The following FAM83F variants were observed in gnomAD, a reference collection of about 807,000 sequenced individuals.
FAM83F encodes the protein scaffolding CK1 anchoring protein F.
Under a neutral mutation model 42.9 loss-of-function variants are expected in FAM83F, and 45 were observed. That is an observed-to-expected ratio of 1.05 (90% CI 0.83 to 1.35). FAM83F has a LOEUF of 1.35. Among genes scored for constraint, FAM83F ranks in the 40% most tolerant of loss-of-function variants. The pLI, the probability that FAM83F is intolerant of heterozygous loss-of-function variation, is 0.00. For missense variants in FAM83F, 617 were observed against 695.9 expected, an observed-to-expected ratio of 0.89 and a Z score of 1.28; for synonymous variants, 306 against 298.3, an observed-to-expected ratio of 1.03 and a Z score of -0.27.
In FAM83F at chr22:40,022,649, C is replaced by T. The variant is rs116005539; in HGVS notation, c.1453+686C>T. Among the ~76,000 whole-genome samples the T allele has an allele frequency of 8.7e-3, 1,322 of 152,252 alleles. 20 individuals are homozygous for T. The highest frequency in any genetic ancestry group is 0.029 in the African/African-American group (1,220 of 41,548). ...ATCTCTCTGGGATCCCCAGGAGGCC[C>T]TGGACTTTATGTCTCTCTCTGCAGC... On this transcript the variant is annotated intron_variant, in intron 4 of 4. Transcript: ENST00000333407.
In FAM83F at chr22:40,037,312, CA is replaced by C. The variant is rs1158595149; in HGVS notation, c.*7748del. On this transcript the variant is annotated 3_prime_UTR_variant, in exon 5 of 5. Transcript: ENST00000333407. ...GCTTAAACCTGGGAGGCGGAGGTTG[CA>C]GTGAGCTGAGATCATGCCACTGCAC... 1 of 152,312 alleles carries C rather than the reference CA, an allele frequency of 6.6e-6. No individual in the cohort carries two copies. The highest frequency in any genetic ancestry group is 6.5e-5 in the Admixed American group (1 of 15,284). The allele number at this position is 152,312 out of a possible 1,614,324, so 9.4% of individuals were successfully genotyped here. A position where few individuals can be genotyped will look rare whatever the true frequency, so the allele number is the denominator to read the frequency against.
chr22:40,034,184 A>G lies in FAM83F; in HGVS notation c.*4619A>G, dbSNP rs1399938702. 1 of 152,268 alleles carries G rather than the reference A, an allele frequency of 6.6e-6. No individual in the cohort carries two copies. Among genetic ancestry groups the G allele is most frequent in the Non-Finnish European group, 1.5e-5 (1 of 68,054 alleles). 9.4% of individuals were successfully genotyped at this position (152,268 alleles called of 1,614,324 possible). A position where few individuals can be genotyped will look rare whatever the true frequency, so the allele number is the denominator to read the frequency against. ...ATTGACAAAGCCCCCTTAGCAGCTA[A>G]TTAGCCCTGCCGTGCGCTAGGGATG... On this transcript the variant is annotated 3_prime_UTR_variant, in exon 5 of 5. Transcript: ENST00000333407.
At position 40,042,257 on chromosome 22, in the gene FAM83F, G is replaced by A. The variant is rs2067654683; in HGVS notation, c.*12692G>A. The A allele has an allele frequency of 6.6e-6, 1 of 152,186 alleles. No homozygotes were observed. Among genetic ancestry groups the A allele is most frequent in the Non-Finnish European group, 1.5e-5 (1 of 68,028 alleles). The allele number at this position is 152,186 out of a possible 1,614,324, so 9.4% of individuals were successfully genotyped here. A position where few individuals can be genotyped will look rare whatever the true frequency, so the allele number is the denominator to read the frequency against. ...AAATAGGAGAAGGTTTCAGGCATTT[G>A]TTTTGTCTCTGGGAGGGAAGGCACA... On this transcript the variant is annotated 3_prime_UTR_variant, in exon 5 of 5. Coordinates refer to ENST00000333407, the MANE Select transcript of FAM83F (RefSeq NM_138435.4).
rs12169961 is a variant in FAM83F at position 40,029,870 on chromosome 22, T to C, written c.*305T>C. 5,064 of 331,670 alleles carry C rather than the reference T, an allele frequency of 0.015. 238 individuals carry two copies. Among genetic ancestry groups the C allele is most frequent in the African/African-American group, 0.098 (4,657 of 47,404 alleles). 20.5% of individuals were successfully genotyped at this position (331,670 alleles called of 1,614,324 possible). ...TTTGTGCCCCACCCCCTCCGCTGAT[T>C]GCCAGATGGGGTGAGGGCCCATTCT... On this transcript the variant is annotated 3_prime_UTR_variant, in exon 5 of 5. Transcript: ENST00000333407.
At chr22:39,997,191 T>G (rs2067376683) in intron 1 of FAM83F, among the ~76,000 whole-genome samples, 1 of 152,242 alleles carries the variant, frequency 6.6e-6, no homozygotes, top group Admixed American at 6.5e-5. Context: ...TGTGCTACAC[T>G]GCCCCAGTGT....
intron 4 of FAM83F, among the ~76,000 whole-genome samples, chr22:40,025,003 T>C (rs1163900493): frequency 6.6e-6 from 1 of 152,056 alleles, no homozygotes; most frequent in African/African-American, 2.4e-5. Context: ...ACGTCTTCCC[T>C]CCGCCCTCGC....
rs1166519170 is a variant in FAM83F, at chr22:40,031,281, C to G, written c.*1716C>G. The G allele has an allele frequency of 2.6e-5, 4 of 152,196 alleles. No individual in the cohort carries two copies. The East Asian group carries it at 7.7e-4, about 29-fold the overall frequency. 9.4% of individuals were successfully genotyped at this position (152,196 alleles called of 1,614,324 possible). A position where few individuals can be genotyped will look rare whatever the true frequency, so the allele number is the denominator to read the frequency against. On this transcript the variant is annotated 3_prime_UTR_variant, in exon 5 of 5. Transcript: ENST00000333407. ...GGAGGTGGGATGTGGGGGTGTTACA[C>G]CTCAGCTCGAGGCGGACACCTTGAA...
intron 4 of FAM83F, among the ~76,000 whole-genome samples, chr22:40,028,151 G>A (rs755441675): frequency 4.6e-5 from 7 of 152,222 alleles, no homozygotes; most frequent in African/African-American, 1.4e-4. Context: ...CCCTTGGGGC[G>A]CAGCCTCCTG....
At position 40,036,579 on chromosome 22, in the gene FAM83F, C is replaced by T. The variant is rs2067625246; in HGVS notation, c.*7014C>T. 6.6e-6 allele frequency: 1 copy of T among 152,222 alleles called. No individual in the cohort carries two copies. Among genetic ancestry groups the T allele is most frequent in the African/African-American group, 2.4e-5 (1 of 41,450 alleles). The allele number at this position is 152,222 out of a possible 1,614,324, so 9.4% of individuals were successfully genotyped here. On this transcript the variant is annotated 3_prime_UTR_variant, in exon 5 of 5. Transcript: ENST00000333407. ...TAAAACCTAAATCAAAGAAACAGAG[C>T]ATGTCCGGAGAAGTCTGCCAACCCT... is the stretch of plus-strand genomic sequence containing the variant.
intron 1 of FAM83F, among the ~76,000 whole-genome samples, chr22:40,002,502 G>T (rs572996731): frequency 3.2e-4 from 49 of 152,296 alleles, no homozygotes; most frequent in Admixed American, 2.9e-3. Context: ...TTCTCTTGAA[G>T]GTTCACGGTA....
intron 1 of FAM83F, among the ~76,000 whole-genome samples, chr22:39,997,346 G>A (rs2067377311): frequency 6.6e-6 from 1 of 152,256 alleles, no homozygotes; most frequent in African/African-American, 2.4e-5. Context: ...CATGTGGGAT[G>A]ACAGGACTCT....
chr22:40,008,876 A>G (rs2067449273), intron 1 of FAM83F, among the ~76,000 whole-genome samples: 1 of 152,154 alleles, frequency 6.6e-6, no homozygotes, highest in Non-Finnish European at 1.5e-5. Flanking sequence ...AGGCAGACCC[A>G]GCTCTACCCT....
chr22:40,031,099 C>T lies in FAM83F; in HGVS notation c.*1534C>T, dbSNP rs778498577. ...TGTCCCCAGGGTCTTCTCTGTTAAT[C>T]CCAAGGCTGGCTTCTAGGGCGTGTG... On this transcript the variant is annotated 3_prime_UTR_variant, in exon 5 of 5. Coordinates refer to ENST00000333407, the MANE Select transcript of FAM83F (RefSeq NM_138435.4). The T allele has an allele frequency of 2.0e-5, 3 of 152,156 alleles. No individual in the cohort carries two copies. Among genetic ancestry groups the T allele is most frequent in the Non-Finnish European group, 4.4e-5 (3 of 68,110 alleles). The allele number at this position is 152,156 out of a possible 1,614,324, so 9.4% of individuals were successfully genotyped here. A position where few individuals can be genotyped will look rare whatever the true frequency, so the allele number is the denominator to read the frequency against.
In FAM83F at chr22:40,023,477, G is replaced by A. The variant is rs887744597; in HGVS notation, c.1453+1514G>A. 2.0e-5 allele frequency among the ~76,000 whole-genome samples: 3 copies of A among 152,150 alleles called. No individual in the cohort carries two copies. Among genetic ancestry groups the A allele is most frequent in the Non-Finnish European group, 4.4e-5 (3 of 68,006 alleles). ...GAAGAGGGGAAGGAGGGGGCGAGCC[G>A]ACAGCAGCAAGGACTATTTCCCGAG... On this transcript the variant is annotated intron_variant, in intron 4 of 4. Coordinates refer to ENST00000333407, the MANE Select transcript of FAM83F (RefSeq NM_138435.4). This position sits in a 1 kb window ranked among gnomAD's most constrained non-coding sequence, Gnocchi z 4.1.
chr22:40,005,809 G>T (rs2067424434), intron 1 of FAM83F, among the ~76,000 whole-genome samples: 1 of 152,300 alleles, frequency 6.6e-6, no homozygotes, highest in Non-Finnish European at 1.5e-5. Context: ...TAGGGAGGGA[G>T]CCCAGTGTTT....
chr22:40,000,037 C>G (rs1433446651), intron 1 of FAM83F, among the ~76,000 whole-genome samples: 1 of 152,188 alleles, frequency 6.6e-6, no homozygotes, highest in Non-Finnish European at 1.5e-5. Flanking sequence ...AGTTTCCTTT[C>G]CGGTACCCGA....
At position 40,033,354 on chromosome 22, in the gene FAM83F, G is replaced by A. The variant is rs1380242658; in HGVS notation, c.*3789G>A. The A allele has an allele frequency of 2.6e-5, 4 of 152,044 alleles. No homozygotes were observed. The highest frequency in any genetic ancestry group is 5.9e-5 in the Non-Finnish European group (4 of 68,050). The allele number at this position is 152,044 out of a possible 1,614,324, so 9.4% of individuals were successfully genotyped here. A position where few individuals can be genotyped will look rare whatever the true frequency, so the allele number is the denominator to read the frequency against. On this transcript the variant is annotated 3_prime_UTR_variant, in exon 5 of 5. Coordinates refer to ENST00000333407, the MANE Select transcript of FAM83F (RefSeq NM_138435.4). ...CCTGCCTTGGCCTCCCAAACTGCTG[G>A]GATTACAGGCATGAGCCACCACGCC... is the stretch of plus-strand genomic sequence containing the variant.
chr22:40,010,269 G>A (rs554527544), intron 1 of FAM83F: 98 of 152,282 alleles, frequency 6.4e-4, no homozygotes, highest in African/African-American at 2.1e-3. Flanking sequence ...AAGTTCGCTC[G>A]GTGTGGGGAA....
chr22:40,000,758 T>G (rs754417221), intron 1 of FAM83F, among the ~76,000 whole-genome samples: 27 of 152,184 alleles, frequency 1.8e-4, no homozygotes, highest in Admixed American at 3.3e-4. Flanking sequence ...CCTTCCTGCC[T>G]CCCTCTTTTC....
Sources: gnomAD v4.1 joint callset for allele counts (sites outside exome capture counted in the v4.1 genomes callset) on GRCh38, gnomAD v4.1.1 for gene constraint, Gnocchi (gnomAD v3.1) non-coding constraint, MANE v1.5 for transcripts, NCBI Gene and HGNC (gene_info 2026-07-23, HGNC 2026-07-21) for gene names.